Variants in EVA1C observed in about 807,000 individuals in gnomAD.
EVA1C encodes the protein protein eva-1 homolog C.
Under a neutral mutation model 45.4 loss-of-function variants are expected in EVA1C, and 25 were observed. The observed-to-expected ratio is 0.55, with a 90% CI of 0.40 to 0.77. EVA1C has a LOEUF of 0.77. Among genes scored for constraint, EVA1C ranks in the 30% least tolerant of loss-of-function variants. EVA1C has a pLI of 0.00. For missense variants in EVA1C, 479 were observed against 554.8 expected (o/e 0.86, Z 1.37); for synonymous variants, 190 against 221.2 (o/e 0.86, Z 1.25).
At chr21:32,440,314 GAAGAA>G (rs928730061) in intron 1 of EVA1C, among the ~76,000 whole-genome samples, 1 of 152,160 alleles carries the variant, frequency 6.6e-6, no homozygotes, top group African/African-American at 2.4e-5. Context: ...GCTGTGTCCC[GAAGAA>G]AAGAAAAGAA....
At chr21:32,507,473 C>CCT (rs1568954798) in intron 7 of EVA1C, among the ~76,000 whole-genome samples, 1 of 140,254 alleles carries the variant, frequency 7.1e-6, no homozygotes, top group African/African-American at 2.7e-5. Flanking sequence ...TGCATGTGTG[C>CCT]ATGTGTGTAT....
At chr21:32,508,036 C>T (rs971413437) in intron 7 of EVA1C, among the ~76,000 whole-genome samples, 2 of 151,838 alleles carry the variant, frequency 1.3e-5, no homozygotes, top group South Asian at 2.1e-4. Flanking sequence ...TGCACATGTG[C>T]GTGTGTATCT....
chr21:32,445,723 C>G (rs1451620975), intron 1 of EVA1C, among the ~76,000 whole-genome samples: 1 of 152,160 alleles, frequency 6.6e-6, no homozygotes, highest in Non-Finnish European at 1.5e-5. Context: ...GTCGTGAACT[C>G]TTCATCTGTA....
At chr21:32,466,499 A>T (rs1206513500) in intron 3 of EVA1C, among the ~76,000 whole-genome samples, 2 of 147,942 alleles carry the variant, frequency 1.4e-5, no homozygotes, top group Non-Finnish European at 3.0e-5. Context: ...TTTAAAAAAA[A>T]AAATAAACTG....
chr21:32,509,903 A>G (rs546877697), intron 7 of EVA1C, among the ~76,000 whole-genome samples: 2 of 152,052 alleles, frequency 1.3e-5, no homozygotes, highest in South Asian at 4.2e-4. Context: ...ATGGCAGGCT[A>G]GAGCGGGGAG....
intron 3 of EVA1C, among the ~76,000 whole-genome samples, chr21:32,462,816 C>T (rs953905586): frequency 8.5e-5 from 13 of 152,230 alleles, no homozygotes; most frequent in Admixed American, 2.0e-4. Flanking sequence ...CCCTCTGCTT[C>T]GGCCCATCCC....
chr21:32,494,625 A>C (rs1297754606), intron 4 of EVA1C, among the ~76,000 whole-genome samples: 1 of 152,120 alleles, frequency 6.6e-6, no homozygotes, highest in Non-Finnish European at 1.5e-5. Flanking sequence ...TCTACTAAAA[A>C]TACAAAAATT....
In EVA1C at chr21:32,466,068, G is replaced by A. The variant is rs539508251; in HGVS notation, c.482-1628G>A. ...TGCCTCCTCTGAATCCTTCATATAA[G>A]TGGAATCATACCTACGCAGTCTTTT... On this transcript the variant is annotated intron_variant, in intron 3 of 7. Transcript: ENST00000300255. Among the ~76,000 whole-genome samples the A allele has an allele frequency of 3.9e-5, 6 of 151,942 alleles. No individual in the cohort carries two copies. The South Asian group carries it at 8.3e-4, about 21-fold the overall frequency.
intron 6 of EVA1C, among the ~76,000 whole-genome samples, chr21:32,502,032 CTTTCTTTCTTTCTTTCTTTCTTCT>C (rs1259854050): frequency 1.2e-3 from 122 of 103,500 alleles, no homozygotes; most frequent in African/African-American, 3.0e-3. Flanking sequence ...TTCTTTCTTT[CTTTCTTTCTTTCTTTCTTTCTTCT>C]TTCTTTCTTT....
intron 1 of EVA1C, among the ~76,000 whole-genome samples, chr21:32,420,120 T>C (rs533328457): frequency 6.6e-6 from 1 of 152,312 alleles, no homozygotes; most frequent in South Asian, 2.1e-4. Flanking sequence ...TCCCTCAGTA[T>C]GAGTAAAAAA....
intron 1 of EVA1C, chr21:32,428,595 A>G (rs2034578170): frequency 6.6e-6 from 1 of 152,236 alleles, no homozygotes; most frequent in Non-Finnish European, 1.5e-5. Context: ...ACCTTCTGGA[A>G]TGCAACTTAT....
intron 6 of EVA1C, 33 bp downstream of exon 6, chr21:32,501,528 T>C: frequency 6.3e-7 from 1 of 1,591,578 alleles, no homozygotes; most frequent in Non-Finnish European, 8.5e-7. Flanking sequence ...AGCATTTCTC[T>C]TTAAGTAAAG....
intron 2 of EVA1C, among the ~76,000 whole-genome samples, chr21:32,455,447 T>A (rs2035743902): frequency 6.6e-6 from 1 of 152,070 alleles, no homozygotes; most frequent in South Asian, 2.1e-4. Flanking sequence ...CAATGTGAGT[T>A]TTGGGGGGGA....
chr21:32,460,226 C>T (rs1601325758), intron 3 of EVA1C, among the ~76,000 whole-genome samples: 1 of 151,772 alleles, frequency 6.6e-6, no homozygotes, highest in African/African-American at 2.4e-5. Context: ...CTCAACCTTC[C>T]TTCACCCAGC....
At chr21:32,502,072 G>T (rs1182607325) in intron 6 of EVA1C, among the ~76,000 whole-genome samples, 3 of 110,176 alleles carry the variant, frequency 2.7e-5, no homozygotes, top group Admixed American at 1.0e-4. Context: ...TCTTTCTTCT[G>T]TCTTTCTTTC....
At chr21:32,439,647 A>C (rs2035100732) in intron 1 of EVA1C, among the ~76,000 whole-genome samples, 1 of 152,050 alleles carries the variant, frequency 6.6e-6, no homozygotes, top group African/African-American at 2.4e-5. Context: ...CCTGTTCTTT[A>C]GGCACGGCTT....
chr21:32,465,251 C>A lies in EVA1C; in HGVS notation c.482-2445C>A, dbSNP rs550638659. On this transcript the variant is annotated intron_variant, in intron 3 of 7. Coordinates refer to ENST00000300255, the MANE Select transcript of EVA1C (RefSeq NM_058187.5). ...ACTCTGGCTTGAGGTGTGTTTGGGA[C>A]CTGGAATCAGCCTGCACTTCCAATC... is the stretch of plus-strand genomic sequence containing the variant. 3.3e-5 allele frequency among the ~76,000 whole-genome samples: 5 copies of A among 152,192 alleles called. No homozygotes were observed. The East Asian group carries it at 9.7e-4, about 29-fold the overall frequency.
At chr21:32,488,793 C>A (rs1188813158) in intron 4 of EVA1C, among the ~76,000 whole-genome samples, 1 of 152,162 alleles carries the variant, frequency 6.6e-6, no homozygotes. Context: ...ACCATGTTGG[C>A]CAGGCTGGTC....
intron 7 of EVA1C, among the ~76,000 whole-genome samples, chr21:32,507,767 TGC>T (rs2037798518): frequency 2.6e-5 from 4 of 151,798 alleles, no homozygotes; most frequent in South Asian, 2.1e-4. Context: ...TGCGTGTGTG[TGC>T]ATGTATGTGT....
Sources: allele counts gnomAD v4.1 joint callset (sites outside exome capture counted in the v4.1 genomes callset), GRCh38; gene constraint gnomAD v4.1.1; transcripts MANE v1.5; gene names NCBI Gene and HGNC (gene_info 2026-07-23, HGNC 2026-07-21).